SBNO1: variants seen among roughly 807,000 people sequenced by gnomAD.
SBNO1 encodes the protein strawberry notch homolog 1.
Under a neutral mutation model 173.6 loss-of-function variants are expected in SBNO1, and 23 were observed. That is an observed-to-expected ratio of 0.13 (90% CI 0.10 to 0.19). The LOEUF (loss-of-function observed/expected upper bound fraction) is 0.19. SBNO1 is among the 10% of genes least tolerant of loss of function. SBNO1 has a pLI of 1.00. For missense variants in SBNO1, 1,238 were observed against 1,671.2 expected (o/e 0.74, Z 4.52); for synonymous variants, 632 against 571.5 (o/e 1.11, Z -1.51).
chr12:123,350,424 T>C lies in SBNO1; in HGVS notation c.18A>G (p.Gln6=). The C allele has an allele frequency of 5.0e-6, 8 of 1,613,928 alleles. No individual in the cohort carries two copies. Among genetic ancestry groups the C allele is most frequent in the Non-Finnish European group, 6.8e-6 (8 of 1,179,848 alleles). Residue 6 remains glutamine, a synonymous_variant, in exon 2 of 32, where the codon CAA becomes CAG. Coordinates refer to ENST00000602398, the MANE Select transcript of SBNO1 (RefSeq NM_001167856.3). ...CACTCAAAGCAGCAAGCAGTAAATC[T>C]TGCCCTGGCTCCACCATCTTTAAAG... MVEPG[Q]DLLLAALSES...
At position 123,290,243 on chromosome 12, in the gene SBNO1, A is replaced by C. The variant is rs2048491952; in HGVS notation, c.*5665T>G. The C allele has an allele frequency of 6.6e-6, 1 of 152,272 alleles. No individual in the cohort carries two copies. Among genetic ancestry groups the C allele is most frequent in the Non-Finnish European group, 1.5e-5 (1 of 68,078 alleles). The allele number at this position is 152,272 out of a possible 1,614,324, so 9.4% of individuals were successfully genotyped here. ...GGATGCACACTGGAGGCAATCTGTG[A>C]CAGGCCCCAATTCACGACAAATTTA... On this transcript the variant is annotated 3_prime_UTR_variant, in exon 32 of 32. Coordinates refer to ENST00000602398, the MANE Select transcript of SBNO1 (RefSeq NM_001167856.3).
In SBNO1 at chr12:123,290,675, G is replaced by C. The variant is rs1249186461; in HGVS notation, c.*5233C>G. ...CTCACCCTCCAGCAGAGTCAGCCTA[G>C]GAGGCTCCAGAGCAGTTGCTTGGCT... On this transcript the variant is annotated 3_prime_UTR_variant, in exon 32 of 32. Coordinates refer to ENST00000602398, the MANE Select transcript of SBNO1 (RefSeq NM_001167856.3). The C allele has an allele frequency of 6.6e-6, 1 of 152,174 alleles. No individual in the cohort carries two copies. Among genetic ancestry groups the C allele is most frequent in the African/African-American group, 2.4e-5 (1 of 41,428 alleles). 9.4% of individuals were successfully genotyped at this position (152,174 alleles called of 1,614,324 possible).
chr12:123,334,468 G>C (rs995859502), intron 6 of SBNO1, among the ~76,000 whole-genome samples: 2 of 152,172 alleles, frequency 1.3e-5, no homozygotes, highest in Non-Finnish European at 1.5e-5. Flanking sequence ...AGCACTTTGG[G>C]GGGCCAAGGT....
At position 123,320,933 on chromosome 12, in the gene SBNO1, C is replaced by T. The variant is rs1358772719; in HGVS notation, c.2324-67G>A. On this transcript the variant is annotated intron_variant, in intron 17 of 31. Coordinates refer to ENST00000602398, the MANE Select transcript of SBNO1 (RefSeq NM_001167856.3). ...ACAAGTACAGAATCTTCAAAGGAAA[C>T]AACCTTTGAAATTTTATTTTTTTGA... The T allele has an allele frequency of 3.2e-6, 4 of 1,259,392 alleles. No homozygotes were observed. In the East Asian group the frequency reaches 7.4e-5, roughly 23 times the overall value. The allele number at this position is 1,259,392 out of a possible 1,614,324, so 78.0% of individuals were successfully genotyped here.
In SBNO1 at chr12:123,350,460, A is replaced by C. The variant is rs1164691475; in HGVS notation, c.1-19T>G. ...CCACCATCTTTAAAGGGAAATATTA[A>C]ATATTAACATAAAAAACAAAAAGTG... On this transcript the variant is annotated intron_variant, in intron 1 of 31. Coordinates refer to ENST00000602398, the MANE Select transcript of SBNO1 (RefSeq NM_001167856.3). 2.5e-6 allele frequency: 4 copies of C among 1,603,744 alleles called. No individual in the cohort carries two copies. The South Asian group carries it at 4.4e-5, about 18-fold the overall frequency.
chr12:123,302,503 CA>C (rs202127947), intron 30 of SBNO1, among the ~76,000 whole-genome samples: 2 of 151,904 alleles, frequency 1.3e-5, no homozygotes, highest in African/African-American at 2.4e-5. Flanking sequence ...CTCAGCCTCC[CA>C]AAGTGCTGGG....
intron 28 of SBNO1, among the ~76,000 whole-genome samples, chr12:123,306,705 T>A (rs1272438895): frequency 6.6e-6 from 1 of 151,998 alleles, no homozygotes; most frequent in Non-Finnish European, 1.5e-5. Flanking sequence ...CAAAATTGCA[T>A]CTATGGGGGA....
chr12:123,322,434 A>G (rs1870092993), intron 16 of SBNO1, among the ~76,000 whole-genome samples: 1 of 152,154 alleles, frequency 6.6e-6, no homozygotes, highest in Non-Finnish European at 1.5e-5. Flanking sequence ...AGCTGGGATT[A>G]TAAGGCGCCC....
At chr12:123,349,659 A>G (rs1285549453) in intron 2 of SBNO1, among the ~76,000 whole-genome samples, 2 of 152,186 alleles carry the variant, frequency 1.3e-5, no homozygotes, top group African/African-American at 2.4e-5. Flanking sequence ...GCTCACGCCT[A>G]TAACCCCAGC....
intron 25 of SBNO1, 127 bp from the exon 26 acceptor site, chr12:123,309,983 C>T (rs1411488554): frequency 4.3e-6 from 3 of 705,844 alleles, no homozygotes; most frequent in Non-Finnish European, 7.1e-6. Context: ...ACTGTCCTCA[C>T]AACAAGGCTG....
At chr12:123,297,938 T>C (rs758068336) in intron 31 of SBNO1, 40 bp downstream of exon 31, 1 of 1,595,224 alleles carries the variant, frequency 6.3e-7, no homozygotes, top group Non-Finnish European at 8.6e-7. Context: ...CGGATCCGAT[T>C]TTTTCCTGCA....
In SBNO1 at chr12:123,363,347, G is replaced by A. The variant is rs1875615358; in HGVS notation, c.-1+1354C>T. On this transcript the variant is annotated intron_variant, in intron 1 of 31. Coordinates refer to ENST00000602398, the MANE Select transcript of SBNO1 (RefSeq NM_001167856.3). ...ACGCTTATGAAAATCAATTCTGATT[G>A]CTAGAAAATATGGTGGAAAATAGAA... 2.0e-5 allele frequency among the ~76,000 whole-genome samples: 3 copies of A among 152,152 alleles called. No individual in the cohort carries two copies. In the South Asian group the frequency reaches 6.2e-4, roughly 32 times the overall value.
chr12:123,358,336 T>C (rs1482501484), intron 1 of SBNO1, among the ~76,000 whole-genome samples: 1 of 152,232 alleles, frequency 6.6e-6, no homozygotes, highest in East Asian at 1.9e-4. Context: ...ATTTTGAATC[T>C]TCAGATTAGG....
chr12:123,317,347 T>C lies in SBNO1; in HGVS notation c.2809A>G (p.Ile937Val), dbSNP rs758941708. Reference protein sequence around the residue: ...RFMDGDKNIAIISEAASSGIS... With the variant: ...RFMDGDKNIAVISEAASSGIS... ...CCCGAGCTGGCAGCTTCTGAGATGA[T>C]AGCAATATTCTGTGTCAAATATAAG... The change falls in exon 21 of 32, where the codon ATC becomes GTC. Residue 937 changes from isoleucine (I) to valine (V), a missense_variant. This residue lies in a region of SBNO1 where 45 missense variants were observed against 85.5 expected (regional missense o/e 0.53). Transcript: ENST00000602398. 2.4e-5 allele frequency: 39 copies of C among 1,613,942 alleles called. No homozygotes were observed. The highest frequency in any genetic ancestry group is 2.2e-4 in the East Asian group (10 of 44,890).
chr12:123,330,052 A>G (rs1871038753), intron 9 of SBNO1, among the ~76,000 whole-genome samples: 1 of 152,228 alleles, frequency 6.6e-6, no homozygotes, highest in African/African-American at 2.4e-5. Context: ...GGTGACCTAT[A>G]GTGCAAGGTA....
intron 3 of SBNO1, among the ~76,000 whole-genome samples, chr12:123,345,783 C>A (rs987123882): frequency 6.6e-6 from 1 of 151,952 alleles, no homozygotes; most frequent in Admixed American, 6.6e-5. Context: ...GATTCTTGTA[C>A]CTCAACCTCT....
At chr12:123,296,149 T>C (rs914973254) in intron 31 of SBNO1, 99 bp from the exon 32 acceptor site, 2 of 726,280 alleles carry the variant, frequency 2.8e-6, no homozygotes, top group African/African-American at 1.8e-5. Flanking sequence ...TTAAGCGTAA[T>C]GGACAAGAAG....
rs367778431 is a variant in SBNO1, at chr12:123,295,920, C to G, written c.4170G>C (p.Leu1390Phe). ...ACCTGTCTGTTCTTCATGCGTTGCT[C>G]AAGTTGGTGATGCTCTGAGGGTGAT... ...QQHHPQSITN[L>F]SNA is the part of the protein sequence containing the mutation. The change falls in exon 32 of 32, where the codon TTG (leucine) becomes TTC (phenylalanine). Residue 1390 changes from leucine to phenylalanine, a missense_variant. Coordinates refer to ENST00000602398, the MANE Select transcript of SBNO1 (RefSeq NM_001167856.3). The G allele has an allele frequency of 1.9e-6, 3 of 1,613,444 alleles. No homozygotes were observed. Among genetic ancestry groups the G allele is most frequent in the Non-Finnish European group, 2.5e-6 (3 of 1,179,428 alleles).
chr12:123,297,324 A>G (rs1373499613), intron 31 of SBNO1, among the ~76,000 whole-genome samples: 2 of 91,066 alleles, frequency 2.2e-5, no homozygotes, highest in Admixed American at 1.3e-4. Flanking sequence ...AGTGAGACTC[A>G]GTCTCAAAAA....
Sources: allele counts gnomAD v4.1 joint callset (sites outside exome capture counted in the v4.1 genomes callset), GRCh38; gene constraint gnomAD v4.1.1; regional missense constraint gnomAD v4.1.1; transcripts MANE v1.5; gene names NCBI Gene and HGNC (gene_info 2026-07-23, HGNC 2026-07-21).